The following SYTL5 variants were observed in gnomAD, a reference collection of about 807,000 sequenced individuals.
SYTL5 encodes the protein synaptotagmin like 5.
In SYTL5, 34 loss-of-function variants were observed where a neutral mutation model predicts 55.9. The ratio of observed to expected loss-of-function variants is 0.61; its 90% CI spans 0.46 to 0.81. The LOEUF is 0.81. SYTL5 is among the 30% of genes least tolerant of loss of function. The pLI, the probability that SYTL5 is intolerant of heterozygous loss-of-function variation, is 0.00. For synonymous variants in SYTL5, 221 were observed against 188.7 expected, an observed-to-expected ratio of 1.17 and a Z score of -1.40; for missense variants, 637 against 546.7, an observed-to-expected ratio of 1.17 and a Z score of -1.65.
At chrX:38,097,997 G>T (rs1286290697) in intron 9 of SYTL5, among the ~76,000 whole-genome samples, 1 of 109,685 alleles carries the variant, frequency 9.1e-6, no homozygotes, top group Non-Finnish European at 1.9e-5. Context: ...AAACATAAAA[G>T]AACTTTGACT....
the SYTL5 span, among the ~76,000 whole-genome samples, chrX:37,934,989 T>A: frequency 8.9e-6 from 1 of 111,941 alleles, no homozygotes; most frequent in African/African-American, 3.2e-5. Flanking sequence ...AAGATATGAA[T>A]CTACACATTC....
At chrX:38,021,395 T>C (rs1217307208) in intron 1 of SYTL5, among the ~76,000 whole-genome samples, 1 of 112,134 alleles carries the variant, frequency 8.9e-6, no homozygotes, top group Non-Finnish European at 1.9e-5. Context: ...TTCATAAATT[T>C]ATTCATTTGG....
intron 3 of SYTL5, among the ~76,000 whole-genome samples, chrX:38,061,592 G>C (rs1935945809): frequency 9.0e-6 from 1 of 111,569 alleles, no homozygotes; most frequent in African/African-American, 3.3e-5. Flanking sequence ...TTGGGTAAAA[G>C]TAAAGAGCTT....
the SYTL5 span, among the ~76,000 whole-genome samples, chrX:37,918,645 G>A: frequency 1.8e-5 from 2 of 111,858 alleles, no homozygotes; most frequent in African/African-American, 6.5e-5. Context: ...GGCAGAGAAC[G>A]TGGTTTGGAT....
intron 6 of SYTL5, among the ~76,000 whole-genome samples, 179 bp from the exon 7 acceptor site, chrX:38,089,267 C>T (rs1168274238): frequency 8.9e-6 from 1 of 111,776 alleles, no homozygotes; most frequent in African/African-American, 3.2e-5. Context: ...CCTAGTGATC[C>T]CCTCAGGGCC....
chrX:38,095,157 C>T (rs1265751082), intron 8 of SYTL5, among the ~76,000 whole-genome samples: 8 of 111,682 alleles, frequency 7.2e-5, no homozygotes, highest in Admixed American at 9.5e-5. Flanking sequence ...TGAGGGGTCT[C>T]TTCTAGCCAG....
At chrX:38,014,826 T>G (rs138307382) in intron 1 of SYTL5, among the ~76,000 whole-genome samples, 1 of 112,380 alleles carries the variant, frequency 8.9e-6, no homozygotes, top group African/African-American at 3.2e-5. Context: ...AGATACACAT[T>G]TGTCTTCTGT....
chrX:38,120,653 T>G (rs1163151611), intron 14 of SYTL5, among the ~76,000 whole-genome samples, 187 bp downstream of exon 14: 1 of 111,043 alleles, frequency 9.0e-6, no homozygotes, highest in Non-Finnish European at 1.9e-5. Flanking sequence ...TGCAGGACTC[T>G]TACAAGGAAT....
At chrX:38,057,325 C>T (rs943966846) in intron 3 of SYTL5, among the ~76,000 whole-genome samples, 47 of 111,384 alleles carry the variant, frequency 4.2e-4, no homozygotes, top group East Asian at 2.8e-4. Context: ...ATTTTTTATT[C>T]GGTTCCATCG....
the SYTL5 span, among the ~76,000 whole-genome samples, chrX:37,977,594 T>C: frequency 6.0e-4 from 65 of 108,989 alleles, no homozygotes; most frequent in African/African-American, 2.1e-3. Flanking sequence ...TGTACTCTAC[T>C]TTGTGGGGTA....
At chrX:37,912,516 T>G in the SYTL5 span, among the ~76,000 whole-genome samples, 1 of 111,429 alleles carries the variant, frequency 9.0e-6, no homozygotes, top group African/African-American at 3.3e-5. Flanking sequence ...CACTTATGAG[T>G]GTTGTGGGTG....
chrX:38,124,894 A>G (rs913299990), intron 15 of SYTL5, among the ~76,000 whole-genome samples: 14 of 111,601 alleles, frequency 1.3e-4, no homozygotes, highest in Non-Finnish European at 2.4e-4. Context: ...AGCTAACACA[A>G]TATCAGATAA....
chrX:37,988,434 G>A, the SYTL5 span, among the ~76,000 whole-genome samples: 1 of 112,403 alleles, frequency 8.9e-6, no homozygotes. Context: ...ATTCATTAGA[G>A]CAGCCATAGG....
the SYTL5 span, among the ~76,000 whole-genome samples, chrX:37,962,835 G>A: frequency 6.3e-5 from 7 of 111,906 alleles, no homozygotes; most frequent in Non-Finnish European, 1.1e-4. Context: ...AAAGCCTCCA[G>A]TACAATCAGG....
the SYTL5 span, among the ~76,000 whole-genome samples, chrX:37,954,803 C>T: frequency 7.2e-5 from 8 of 111,615 alleles, no homozygotes; most frequent in African/African-American, 2.6e-4. Flanking sequence ...GGACATATAG[C>T]AACATCGTGT....
intron 2 of SYTL5, among the ~76,000 whole-genome samples, chrX:38,039,604 A>G (rs1205577216): frequency 8.9e-6 from 1 of 111,897 alleles, no homozygotes; most frequent in Non-Finnish European, 1.9e-5. Flanking sequence ...GTACTTAAAA[A>G]TCCTCAACTT....
the SYTL5 span, among the ~76,000 whole-genome samples, chrX:37,996,271 C>A: frequency 8.9e-6 from 1 of 112,034 alleles, no homozygotes; most frequent in East Asian, 2.8e-4. Context: ...CCCCCTTCCA[C>A]ACATGCAAGG....
At chrX:38,089,415 T>C (rs927049093) in intron 6 of SYTL5, 31 bp from the exon 7 acceptor site, 1 of 1,185,318 alleles carries the variant, frequency 8.4e-7, no homozygotes, top group African/African-American at 1.8e-5. Context: ...TCTGCTTCCA[T>C]GTTAAAGTCA....
the SYTL5 span, among the ~76,000 whole-genome samples, chrX:37,917,735 G>A: frequency 4.5e-5 from 5 of 111,192 alleles, no homozygotes; most frequent in South Asian, 3.7e-4. Flanking sequence ...TTTTTCAGAC[G>A]TTTTCAATGC....
Sources: allele counts gnomAD v4.1 joint callset (sites outside exome capture counted in the v4.1 genomes callset), GRCh38; gene constraint gnomAD v4.1.1; transcripts MANE v1.5; gene names NCBI Gene and HGNC (gene_info 2026-07-23, HGNC 2026-07-21).